MROH2B: variants seen among roughly 807,000 people sequenced by gnomAD.
The protein encoded by MROH2B is maestro heat-like repeat-containing protein family member 2B.
In MROH2B, 177 loss-of-function variants were observed where a neutral mutation model predicts 208.6. That is an observed-to-expected ratio of 0.85 (90% CI 0.75 to 0.96). The LOEUF (loss-of-function observed/expected upper bound fraction) is 0.96, where lower values mean the gene tolerates loss of function less well. Among genes scored for constraint, MROH2B ranks in the 40% least tolerant of loss-of-function variants. MROH2B has a pLI of 0.00. For synonymous variants in MROH2B, 728 were observed against 659.0 expected, an observed-to-expected ratio of 1.10 and a Z score of -1.60; for missense variants, 2,002 against 1,878.7, an observed-to-expected ratio of 1.07 and a Z score of -1.21.
intron 34 of MROH2B, among the ~76,000 whole-genome samples, chr5:41,006,169 G>C (rs1156766898): frequency 6.6e-6 from 1 of 152,018 alleles, no homozygotes; most frequent in African/African-American, 2.4e-5. Flanking sequence ...CAAAAAGCAG[G>C]CTAAGGACAT....
chr5:41,058,743 T>C (rs1043335540), intron 6 of MROH2B, among the ~76,000 whole-genome samples: 1 of 152,134 alleles, frequency 6.6e-6, no homozygotes, highest in African/African-American at 2.4e-5. Context: ...ATCTAGAACT[T>C]ACCTCATCTT....
chr5:41,032,302 C>T (rs1460246765), intron 24 of MROH2B, among the ~76,000 whole-genome samples: 1 of 152,038 alleles, frequency 6.6e-6, no homozygotes, highest in Admixed American at 6.6e-5. Context: ...GTTTTAACTT[C>T]TATTTCTTTT....
chr5:41,058,120 C>T lies in MROH2B; in HGVS notation c.699G>A (p.Gln233=). ...TATACTGGTTCAGGAGCCAGGGCACCTGGCCCAGGGCGTATCCACGGAAGT... is the reference window on the plus strand; with the variant it reads ...TATACTGGTTCAGGAGCCAGGGCACTTGGCCCAGGGCGTATCCACGGAAGT... ...REDFRGYALG[Q]VPWLLNQYKD... The change falls in exon 7 of 42, where the codon CAG becomes CAA. Residue 233 remains glutamine, a synonymous_variant. Transcript: ENST00000399564. 2.5e-6 allele frequency: 4 copies of T among 1,606,290 alleles called. No homozygotes were observed. Among genetic ancestry groups the T allele is most frequent in the Non-Finnish European group, 3.4e-6 (4 of 1,176,110 alleles).
chr5:41,058,178 C>A lies in MROH2B; in HGVS notation c.641G>T (p.Gly214Val). The change falls in exon 7 of 42, where the codon GGG (glycine) becomes GTG (valine). Residue 214 changes from glycine (G) to valine (V), a missense_variant. Transcript: ENST00000399564. The stretch of plus-strand genomic sequence containing the variant: ...ATGCAGCAGCAAGCTCACCGTGGGC[C>A]CGTGGGCCTTAACGATGCTCAAAGT... ...MQTLSIVKAH[G>V]PTVSLLLHRE... 6.2e-7 allele frequency: 1 copy of A among 1,600,032 alleles called. No homozygotes were observed. Among genetic ancestry groups the A allele is most frequent in the Admixed American group, 1.7e-5 (1 of 58,006 alleles).
rs761984238 is a variant in MROH2B at position 41,055,748 on chromosome 5, C to T, written c.1027G>A (p.Ala343Thr). The part of the protein sequence containing the change: ...ILTLLRLAVN[A>T]DEPRLRDHII... ...CTTCAACCCTCTTGCTTACCATCAG[C>T]ATTGACAGCCAATCTTAACAAAGTC... is the stretch of plus-strand genomic sequence containing the variant. The change falls in exon 10 of 42, where the codon GCT becomes ACT. Residue 343 changes from alanine to threonine, a missense_variant. Ala to Thr is a moderately conservative substitution (Grantham distance 58). Transcript: ENST00000399564. The T allele has an allele frequency of 3.1e-6, 5 of 1,612,668 alleles. No homozygotes were observed. The East Asian group carries it at 1.1e-4, about 36-fold the overall frequency.
chr5:41,041,755 CTCTAGATTAG>C (rs749810382), intron 19 of MROH2B, among the ~76,000 whole-genome samples: 13 of 151,846 alleles, frequency 8.6e-5, no homozygotes, highest in Non-Finnish European at 1.5e-4. Context: ...TTTACATTCT[CTCTAGATTAG>C]TCTAGATTAG....
chr5:41,020,547 G>A (rs990733659), intron 24 of MROH2B, among the ~76,000 whole-genome samples: 6 of 152,248 alleles, frequency 3.9e-5, no homozygotes, highest in Middle Eastern at 3.4e-3. Context: ...GTTCATCATT[G>A]CTCTTTTACA....
intron 25 of MROH2B, 32 bp downstream of exon 25, chr5:41,018,851 T>C (rs1392880770): frequency 6.2e-7 from 1 of 1,613,700 alleles, no homozygotes; most frequent in East Asian, 2.2e-5. Context: ...CACTGCAGAC[T>C]GTCATCCTAC....
chr5:41,030,908 A>T (rs896997402), intron 24 of MROH2B, among the ~76,000 whole-genome samples: 3 of 152,138 alleles, frequency 2.0e-5, no homozygotes, highest in Non-Finnish European at 4.4e-5. Flanking sequence ...ATTTTGCCAC[A>T]ATTAAACATT....
chr5:40,998,483 G>A (rs987556148), intron 41 of MROH2B, 129 bp downstream of exon 41: 1 of 740,198 alleles, frequency 1.4e-6, no homozygotes, highest in South Asian at 1.8e-5. Context: ...AGTGTCTAGA[G>A]AGCATCAGAG....
intron 24 of MROH2B, among the ~76,000 whole-genome samples, chr5:41,022,697 A>T (rs751381148): frequency 7.9e-5 from 12 of 152,172 alleles, no homozygotes; most frequent in Non-Finnish European, 1.6e-4. Context: ...CTTTGAAGAG[A>T]GTAGTGGTTC....
At chr5:41,054,706 C>G (rs959462810) in intron 11 of MROH2B, 61 bp downstream of exon 11, 4 of 1,313,880 alleles carry the variant, frequency 3.0e-6, no homozygotes, top group Non-Finnish European at 4.3e-6. Context: ...CTTAAAGAAT[C>G]AAAATAATTT....
intron 6 of MROH2B, among the ~76,000 whole-genome samples, chr5:41,060,253 T>C (rs1358034229): frequency 6.6e-6 from 1 of 152,106 alleles, no homozygotes; most frequent in Middle Eastern, 3.2e-3. Flanking sequence ...TTCTATAGCC[T>C]CCTAGCAGGT....
In MROH2B at chr5:41,018,870, C is replaced by T. The variant is rs1195438761; in HGVS notation, c.2577+13G>A. On this transcript the variant is annotated intron_variant, in intron 25 of 41. Coordinates refer to ENST00000399564, the MANE Select transcript of MROH2B (RefSeq NM_173489.5). The stretch of plus-strand genomic sequence containing the variant: ...GCAGACTGTCATCCTACTTAGGCCT[C>T]ACTAGTGCATACTTGAATGTGCTCC... 1.9e-6 allele frequency: 3 copies of T among 1,613,850 alleles called. No homozygotes were observed. The highest frequency in any genetic ancestry group is 2.5e-6 in the Non-Finnish European group (3 of 1,179,858).
At chr5:41,005,433 C>A in intron 35 of MROH2B, 98 bp downstream of exon 35, 2 of 165,096 alleles carry the variant, frequency 1.2e-5, no homozygotes, top group Non-Finnish European at 1.3e-5. Context: ...CCCTTGAAGT[C>A]TCTCTTCCCT....
At chr5:41,069,583 G>T in intron 2 of MROH2B, 108 bp downstream of exon 2, 1 of 827,928 alleles carries the variant, frequency 1.2e-6, no homozygotes, top group East Asian at 2.7e-5. Context: ...CTAATGCCAT[G>T]TAACAAGCCA....
At chr5:41,027,321 T>C (rs915854341) in intron 24 of MROH2B, among the ~76,000 whole-genome samples, 2 of 152,142 alleles carry the variant, frequency 1.3e-5, no homozygotes, top group East Asian at 3.9e-4. Context: ...GAATCTACAA[T>C]GAACTCAAAC....
intron 29 of MROH2B, among the ~76,000 whole-genome samples, chr5:41,015,142 C>T (rs1424232509): frequency 6.6e-6 from 1 of 152,190 alleles, no homozygotes; most frequent in Non-Finnish European, 1.5e-5. Flanking sequence ...CCTTCCACTC[C>T]AACCCACAGC....
rs1742402514 is a variant in MROH2B at position 41,027,330 on chromosome 5, A to T, written c.2441+5412T>A. On this transcript the variant is annotated intron_variant, in intron 24 of 41. Transcript: ENST00000399564. ...TATCCAGAATCTACAATGAACTCAA[A>T]CAAATTTACAAGGAAAAATCAAACA... Among the ~76,000 whole-genome samples the T allele has an allele frequency of 4.6e-5, 7 of 152,350 alleles. 2 individuals are homozygous for T. The South Asian group carries it at 1.4e-3, about 32-fold the overall frequency.
Sources: gnomAD v4.1 joint callset for allele counts (sites outside exome capture counted in the v4.1 genomes callset) on GRCh38, gnomAD v4.1.1 for gene constraint, MANE v1.5 for transcripts, NCBI Gene and HGNC (gene_info 2026-07-23, HGNC 2026-07-21) for gene names.